Variants in BTD observed in about 807,000 individuals in gnomAD.
BTD encodes the protein biotinidase.
Under a neutral mutation model 17.7 loss-of-function variants are expected in BTD, and 13 were observed. The ratio of observed to expected loss-of-function variants is 0.74; its 90% CI spans 0.48 to 1.17. The LOEUF is 1.17. BTD is among the 50% of genes most tolerant of loss of function. The pLI is 0.00. For missense variants in BTD, 674 were observed against 650.4 expected (o/e 1.04, Z -0.39); for synonymous variants, 240 against 245.2 (o/e 0.98, Z 0.20).
chr3:15,681,054 G>C (rs980140349), intron 3 of BTD, among the ~76,000 whole-genome samples: 1 of 152,070 alleles, frequency 6.6e-6, no homozygotes, highest in Admixed American at 6.6e-5. Flanking sequence ...TCCAGCCTTG[G>C]TATTCTTGGG....
intron 4 of BTD, among the ~76,000 whole-genome samples, chr3:15,721,708 T>C (rs1049175781): frequency 6.6e-6 from 1 of 152,200 alleles, no homozygotes; most frequent in South Asian, 2.1e-4. Flanking sequence ...AAAAAGAGTA[T>C]GCTCAAAAAT....
At chr3:15,640,846 TG>T (rs1231711250) in intron 2 of BTD, among the ~76,000 whole-genome samples, 34 of 108,482 alleles carry the variant, frequency 3.1e-4, no homozygotes, top group Middle Eastern at 3.9e-3. Context: ...GAATTATGAT[TG>T]TTTTTTCCCG....
chr3:15,670,378 CATG>C (rs762339299), intron 3 of BTD: 1 of 1,613,938 alleles, frequency 6.2e-7, no homozygotes, highest in Non-Finnish European at 8.5e-7. Flanking sequence ...GTTCATTCCT[CATG>C]ATGGGCAAAG....
Position 15,711,997 on chromosome 3 carries a change from GA to G in BTD, c.*1925del, listed in dbSNP as rs2072354731. 3.0e-6 allele frequency: 2 copies of G among 672,642 alleles called. 1 individual carries two copies. The highest frequency in any genetic ancestry group is 3.9e-5 in the South Asian group (2 of 50,788). 41.7% of individuals were successfully genotyped at this position (672,642 alleles called of 1,614,324 possible). On this transcript the variant is annotated 3_prime_UTR_variant, in exon 4 of 4. Coordinates refer to the BTD transcript ENST00000672141. Reference sequence around the variant, plus strand: ...AGGCATGAGCCACCACGCCAGACCTGAACCCAACACGTTCTAAAAGGGGTTA... The same window carrying G: ...AGGCATGAGCCACCACGCCAGACCTGACCCAACACGTTCTAAAAGGGGTTA...
At chr3:15,699,957 T>C (rs905356772) in intron 3 of BTD, among the ~76,000 whole-genome samples, 1 of 152,224 alleles carries the variant, frequency 6.6e-6, no homozygotes. Flanking sequence ...GCGGCACTAT[T>C]TGCAATAGCA....
At chr3:15,643,121 G>A (rs187339299) in intron 3 of BTD, among the ~76,000 whole-genome samples, 90 of 151,914 alleles carry the variant, frequency 5.9e-4, no homozygotes, top group African/African-American at 2.0e-3. Context: ...CAAATTTCCC[G>A]CTTAAAAAAC....
intron 3 of BTD, among the ~76,000 whole-genome samples, chr3:15,703,877 A>G (rs1272599480): frequency 6.6e-6 from 1 of 152,218 alleles, no homozygotes; most frequent in African/African-American, 2.4e-5. Context: ...ATATACCAGG[A>G]CTTCAACTTT....
intron 3 of BTD, chr3:15,709,654 G>T: frequency 6.4e-7 from 1 of 1,558,022 alleles, no homozygotes; most frequent in Non-Finnish European, 8.7e-7. Context: ...TAAAGAAACT[G>T]TATCATACCC....
chr3:15,627,044 T>C (rs534752573), intron 1 of BTD, among the ~76,000 whole-genome samples: 7 of 152,304 alleles, frequency 4.6e-5, no homozygotes, highest in Admixed American at 1.3e-4. Context: ...ATCATTTCTC[T>C]ACACATCTGC....
rs2065813143 is a variant in BTD, at chr3:15,652,037, AG to A, written c.*6551del. Among the ~76,000 whole-genome samples the A allele has an allele frequency of 6.6e-6, 1 of 152,190 alleles. No individual in the cohort carries two copies. The highest frequency in any genetic ancestry group is 2.1e-4 in the South Asian group (1 of 4,832). Reference sequence around the variant, plus strand: ...GTTACTTCTGAAATTGGGTTATAAAAGGTACTGCAGACCGGGCACGGTGGCT... The same window carrying A: ...GTTACTTCTGAAATTGGGTTATAAAAGTACTGCAGACCGGGCACGGTGGCT... On this transcript the variant is annotated 3_prime_UTR_variant, in exon 4 of 4. Coordinates refer to ENST00000643237, the MANE Select transcript of BTD (RefSeq NM_001370658.1).
intron 1 of BTD, among the ~76,000 whole-genome samples, chr3:15,613,448 C>T (rs2064694296): frequency 6.6e-6 from 1 of 152,074 alleles, no homozygotes; most frequent in Admixed American, 6.6e-5. Flanking sequence ...CTGAGCCCTG[C>T]CAGATAATAT....
At chr3:15,663,759 CAA>C (rs1025264029) in intron 3 of BTD, among the ~76,000 whole-genome samples, 23 of 151,926 alleles carry the variant, frequency 1.5e-4, no homozygotes, top group Admixed American at 2.6e-4. Flanking sequence ...TAAAAAAACC[CAA>C]GTCTTGATTT....
intron 1 of BTD, among the ~76,000 whole-genome samples, chr3:15,622,706 T>C (rs1187301058): frequency 6.6e-6 from 1 of 150,964 alleles, no homozygotes; most frequent in South Asian, 2.1e-4. Context: ...GTTCTGTCCA[T>C]TTTTGCCTCA....
At chr3:15,614,121 CTTTCTTT>C (rs1162848026) in intron 1 of BTD, among the ~76,000 whole-genome samples, 2 of 131,724 alleles carry the variant, frequency 1.5e-5, no homozygotes, top group Non-Finnish European at 3.1e-5. Flanking sequence ...CTCTTTCTTT[CTTTCTTT>C]TTTTTTTTTT....
Position 15,646,756 on chromosome 3 carries a change from A to G in BTD, c.*1268A>G, listed in dbSNP as rs1020079221. 6.6e-6 allele frequency: 1 copy of G among 152,214 alleles called. No individual in the cohort carries two copies. The highest frequency in any genetic ancestry group is 1.5e-5 in the Non-Finnish European group (1 of 68,040). 9.4% of individuals were successfully genotyped at this position (152,214 alleles called of 1,614,324 possible). On this transcript the variant is annotated 3_prime_UTR_variant, in exon 4 of 4. Coordinates refer to ENST00000643237, the MANE Select transcript of BTD (RefSeq NM_001370658.1). ...TTGAACTCCTTTTTAGTTATTTTAA[A>G]CAGTATATGCTTAAACATCACACGA...
intron 1 of BTD, among the ~76,000 whole-genome samples, chr3:15,615,348 G>A (rs1314579904): frequency 6.6e-6 from 1 of 152,170 alleles, no homozygotes; most frequent in Non-Finnish European, 1.5e-5. Context: ...AGATGTACAA[G>A]TTTCTACGTC....
chr3:15,714,459 T>A, downstream of BTD: 1 of 700,432 alleles, frequency 1.4e-6, no homozygotes. Context: ...TGAAATCATG[T>A]ATTAAAAATA....
intron 1 of BTD, among the ~76,000 whole-genome samples, chr3:15,607,799 G>A (rs570444067): frequency 1.4e-3 from 215 of 152,298 alleles, no homozygotes; most frequent in African/African-American, 5.1e-3. Flanking sequence ...AAAAAAAGGA[G>A]TCTATGTAGA....
At position 15,649,733 on chromosome 3, in the gene BTD, T is replaced by C. The variant is rs1294320622; in HGVS notation, c.*4245T>C. Among the ~76,000 whole-genome samples, 1 of 152,234 alleles carries C rather than the reference T, an allele frequency of 6.6e-6. No homozygotes were observed. Among genetic ancestry groups the C allele is most frequent in the Non-Finnish European group, 1.5e-5 (1 of 68,044 alleles). ...CATCCATCCTTCAAGGTCTACTCTC[T>C]CATCACAGCTTGTGACTCTTCCACT... is the stretch of plus-strand genomic sequence containing the variant. On this transcript the variant is annotated 3_prime_UTR_variant, in exon 4 of 4. Transcript: ENST00000643237.
Sources: allele counts gnomAD v4.1 joint callset (sites outside exome capture counted in the v4.1 genomes callset), GRCh38; gene constraint gnomAD v4.1.1; transcripts MANE v1.5; gene names NCBI Gene and HGNC (gene_info 2026-07-23, HGNC 2026-07-21).